Variants in NCOA3 observed in about 807,000 individuals in gnomAD.
NCOA3 encodes CBP-interacting protein.
NCOA3 carries 51 observed loss-of-function variants against 158.8 expected under a neutral mutation model. The observed-to-expected ratio is 0.32, with a 90% confidence interval of 0.26 to 0.41. The LOEUF is 0.41. Among genes scored for constraint, NCOA3 ranks in the 10% least tolerant of loss-of-function variants. The pLI, the probability that NCOA3 is intolerant of heterozygous loss-of-function variation, is 1.00. For missense variants in NCOA3, 1,510 were observed against 1,746.6 expected, an observed-to-expected ratio of 0.86 and a Z score of 2.41; for synonymous variants, 537 against 592.4, an observed-to-expected ratio of 0.91 and a Z score of 1.36.
intron 1 of NCOA3, among the ~76,000 whole-genome samples, chr20:47,570,979 C>CAT (rs1491548559): frequency 1.3e-5 from 1 of 78,502 alleles, no homozygotes; most frequent in Non-Finnish European, 2.8e-5. Flanking sequence ...CAAGTATATA[C>CAT]ATATATGTGT....
At chr20:47,530,863 T>C (rs1163162148) in intron 1 of NCOA3, among the ~76,000 whole-genome samples, 1 of 152,210 alleles carries the variant, frequency 6.6e-6, no homozygotes, top group African/African-American at 2.4e-5. Context: ...CCTTGAAATT[T>C]AAAGGCAAAC....
intron 1 of NCOA3, among the ~76,000 whole-genome samples, chr20:47,540,205 T>G (rs2084700474): frequency 6.6e-6 from 1 of 152,172 alleles, no homozygotes; most frequent in Non-Finnish European, 1.5e-5. Flanking sequence ...ATAGTCAACT[T>G]TGGCTTGGAG....
chr20:47,600,170 AT>A (rs1555809774), intron 2 of NCOA3, among the ~76,000 whole-genome samples: 3 of 135,554 alleles, frequency 2.2e-5, no homozygotes, highest in Admixed American at 7.2e-5. Flanking sequence ...ATATATATAT[AT>A]TTTTTTATTT....
chr20:47,522,349 G>A (rs1261892859), intron 1 of NCOA3, among the ~76,000 whole-genome samples: 1 of 151,052 alleles, frequency 6.6e-6, no homozygotes, highest in Admixed American at 6.6e-5. Flanking sequence ...TGATCTGCCC[G>A]CGTCGGCAAA....
intron 17 of NCOA3, among the ~76,000 whole-genome samples, chr20:47,645,825 T>G (rs387249): frequency 0.58 from 87,803 of 151,954 alleles, 25,829 homozygotes; most frequent in Middle Eastern, 0.72. Flanking sequence ...AAACATAGTT[T>G]CCAGTTACTA....
chr20:47,516,799 C>T (rs2084240929), intron 1 of NCOA3, among the ~76,000 whole-genome samples: 3 of 151,928 alleles, frequency 2.0e-5, no homozygotes, highest in Non-Finnish European at 2.9e-5. Flanking sequence ...TAGTGGCACA[C>T]ACCTGTAGTC....
intron 1 of NCOA3, among the ~76,000 whole-genome samples, chr20:47,557,996 T>C (rs1450660996): frequency 6.6e-6 from 1 of 152,032 alleles, no homozygotes; most frequent in Non-Finnish European, 1.5e-5. Context: ...GACTTGTAGA[T>C]GGCTGACATC....
chr20:47,531,270 C>T (rs934294040), intron 1 of NCOA3, among the ~76,000 whole-genome samples: 3 of 152,086 alleles, frequency 2.0e-5, no homozygotes, highest in Non-Finnish European at 4.4e-5. Flanking sequence ...ACTCAGGAGG[C>T]AGAGGCTGCA....
intron 1 of NCOA3, among the ~76,000 whole-genome samples, chr20:47,526,095 G>T (rs1009333948): frequency 6.7e-6 from 1 of 150,158 alleles, no homozygotes; most frequent in African/African-American, 2.4e-5. Context: ...GGGGTGGCCG[G>T]GCAGAGACGC....
chr20:47,585,929 T>G (rs2085529002), intron 2 of NCOA3, among the ~76,000 whole-genome samples: 2 of 150,600 alleles, frequency 1.3e-5, no homozygotes, highest in African/African-American at 2.4e-5. Context: ...TCCACAGGTT[T>G]TTTTTTTTTT....
chr20:47,512,534 C>G (rs1043022904), intron 1 of NCOA3, among the ~76,000 whole-genome samples: 2 of 147,890 alleles, frequency 1.4e-5, no homozygotes, highest in African/African-American at 5.0e-5. Context: ...CGCCACTGCA[C>G]TCGAACGTGG....
At chr20:47,533,301 AAAAG>A (rs1425971642) in intron 1 of NCOA3, among the ~76,000 whole-genome samples, 1 of 146,310 alleles carries the variant, frequency 6.8e-6, no homozygotes, top group African/African-American at 2.6e-5. Flanking sequence ...AAAAAAAAAA[AAAAG>A]ATCATTGATT....
At chr20:47,505,003 G>GTTTTTT (rs1166777115) in intron 1 of NCOA3, among the ~76,000 whole-genome samples, 5,477 of 28,418 alleles carry the variant, frequency 0.19, 1,582 homozygotes, top group Non-Finnish European at 0.24. Context: ...TGGGTTTTTG[G>GTTTTTT]TTTTTTTTTT....
chr20:47,524,920 A>T (rs189147863), intron 1 of NCOA3, among the ~76,000 whole-genome samples: 14 of 151,672 alleles, frequency 9.2e-5, no homozygotes, highest in Non-Finnish European at 1.6e-4. Flanking sequence ...ATTTTATTTT[A>T]TTTATTTATT....
At chr20:47,583,319 A>G (rs137946838) in intron 2 of NCOA3, 58 bp downstream of exon 2, 1 of 397,808 alleles carries the variant, frequency 2.5e-6, no homozygotes, top group Non-Finnish European at 4.4e-6. Context: ...AACCTTCTGA[A>G]GATATTACCC....
At chr20:47,618,348 G>GTTT (rs71183269) in intron 2 of NCOA3, among the ~76,000 whole-genome samples, 17,714 of 100,902 alleles carry the variant, frequency 0.18, 1,656 homozygotes, top group Non-Finnish European at 0.23. Context: ...TTTTCCCTTA[G>GTTT]TTTTTTTTTT....
chr20:47,558,976 C>T lies in NCOA3; in HGVS notation c.-98-24207C>T, dbSNP rs373039564. On this transcript the variant is annotated intron_variant, in intron 1 of 22. Coordinates refer to ENST00000371998, the MANE Select transcript of NCOA3 (RefSeq NM_181659.3). ...ACTTGATGCCTTTCACAGCTTTTTC[C>T]GTAACAGTGATGGCATCTTCAATGG... Among the ~76,000 whole-genome samples, 21 of 152,170 alleles carry T rather than the reference C, an allele frequency of 1.4e-4. No homozygotes were observed. In the East Asian group the frequency reaches 1.7e-3, roughly 13 times the overall value.
intron 8 of NCOA3, among the ~76,000 whole-genome samples, chr20:47,632,465 G>A (rs2086435762): frequency 6.7e-6 from 1 of 149,080 alleles, no homozygotes; most frequent in African/African-American, 2.5e-5. Context: ...TCAGCTCACT[G>A]TAACCTCTGC....
intron 1 of NCOA3, among the ~76,000 whole-genome samples, chr20:47,511,560 T>TATATATATATATC (rs1569310982): frequency 5.4e-4 from 3 of 5,518 alleles, no homozygotes; most frequent in Non-Finnish European, 2.6e-3. Flanking sequence ...TATATATTTC[T>TATATATATATATC]TTTTTTTTTT....
Sources: allele counts gnomAD v4.1 joint callset (sites outside exome capture counted in the v4.1 genomes callset), GRCh38; gene constraint gnomAD v4.1.1; transcripts MANE v1.5; gene names NCBI Gene and HGNC (gene_info 2026-07-23, HGNC 2026-07-21).